Variants in CACNB2 observed in about 807,000 individuals in gnomAD.
CACNB2 encodes the protein calcium voltage-gated channel auxiliary subunit beta 2.
A neutral mutation model predicts 73.3 loss-of-function variants in CACNB2; 42 were observed. The ratio of observed to expected loss-of-function variants is 0.57; its 90% confidence interval spans 0.45 to 0.74. The LOEUF is 0.74. CACNB2 is among the 30% of genes least tolerant of loss of function. The pLI is 0.00. For synonymous variants in CACNB2, 348 were observed against 310.3 expected, an observed-to-expected ratio of 1.12 and a Z score of -1.28; for missense variants, 940 against 853.0, an observed-to-expected ratio of 1.10 and a Z score of -1.27.
intron 3 of CACNB2, among the ~76,000 whole-genome samples, chr10:18,445,360 T>G (rs2046680736): frequency 6.6e-6 from 1 of 152,322 alleles, no homozygotes; most frequent in South Asian, 2.1e-4. Flanking sequence ...GTACTTAGTA[T>G]TAAAAGAGGC....
At chr10:18,320,098 C>G (rs1157689547) in intron 2 of CACNB2, among the ~76,000 whole-genome samples, 1 of 131,364 alleles carries the variant, frequency 7.6e-6, no homozygotes, top group South Asian at 2.2e-4. Context: ...TTCATGCCGA[C>G]CCCGCCACCC....
Position 18,385,372 on chromosome 10 carries a change from C to G in CACNB2, c.214-16552C>G, listed in dbSNP as rs1000863727. On this transcript the variant is annotated intron_variant, in intron 2 of 13. Coordinates refer to ENST00000324631, the MANE Select transcript of CACNB2 (RefSeq NM_201596.3). ...CCATAGAGATTTGTAATACCCCCCC[C>G]CCTCGCCCCCCACAGGTTTTAAAAA... 1.3e-3 allele frequency among the ~76,000 whole-genome samples: 176 copies of G among 133,032 alleles called. 4 individuals carry two copies. Among genetic ancestry groups the G allele is most frequent in the Admixed American group, 2.7e-3 (34 of 12,716 alleles). The allele number at this position is 133,032 out of a possible 152,430, so 87.3% of individuals were successfully genotyped here.
At position 18,535,999 on chromosome 10, in the gene CACNB2, G is replaced by T. The variant is rs571689654; in HGVS notation, c.1207-102G>T. On this transcript the variant is annotated intron_variant, in intron 11 of 13. Transcript: ENST00000324631. Reference sequence around the variant, plus strand: ...TAGCTCCATCTATTATAAGCCCCTTGTGCTGTATATAAAAAGGCCCCAGAG... The same window carrying T: ...TAGCTCCATCTATTATAAGCCCCTTTTGCTGTATATAAAAAGGCCCCAGAG... 9.8e-4 allele frequency: 702 copies of T among 719,082 alleles called. 9 individuals are homozygous for T. The highest frequency in any genetic ancestry group is 7.0e-3 in the South Asian group (470 of 66,740). The allele number at this position is 719,082 out of a possible 1,614,324, so 44.5% of individuals were successfully genotyped here.
chr10:18,413,889 A>C (rs916552555), intron 3 of CACNB2, among the ~76,000 whole-genome samples: 3 of 152,376 alleles, frequency 2.0e-5, no homozygotes, highest in Non-Finnish European at 2.9e-5. Context: ...GGCACAGGCA[A>C]CTGGGGCACA....
rs369959759 is a variant in CACNB2 at position 18,143,111 on chromosome 10, G to A, written c.120+2255G>A. ...GGTAAGGTCAAGATTGGACACAGGC[G>A]TAAAACTGACAAAGCAATTTGAGAC... On this transcript the variant is annotated intron_variant, in intron 1 of 13. Coordinates refer to ENST00000324631, the MANE Select transcript of CACNB2 (RefSeq NM_201596.3). Among the ~76,000 whole-genome samples, 20 of 152,340 alleles carry A rather than the reference G, an allele frequency of 1.3e-4. No homozygotes were observed. The East Asian group carries it at 2.9e-3, about 22-fold the overall frequency.
At chr10:18,400,481 CAG>C in intron 2 of CACNB2, 1 of 597,038 alleles carries the variant, frequency 1.7e-6, no homozygotes, top group Non-Finnish European at 2.1e-6. Flanking sequence ...CATAGACTAA[CAG>C]TGTGATGTGA....
chr10:18,285,223 C>T (rs555211477), intron 2 of CACNB2, among the ~76,000 whole-genome samples: 14 of 152,280 alleles, frequency 9.2e-5, no homozygotes, highest in South Asian at 2.1e-4. Context: ...GGGCTGCCTC[C>T]GTGACTCACT....
At chr10:18,415,988 A>G (rs1237275988) in intron 3 of CACNB2, among the ~76,000 whole-genome samples, 2 of 152,062 alleles carry the variant, frequency 1.3e-5, no homozygotes, top group Non-Finnish European at 2.9e-5. Context: ...TTACAGGTAT[A>G]TAATGCATAA....
chr10:18,475,932 G>A (rs4424572), intron 3 of CACNB2, among the ~76,000 whole-genome samples: 27,600 of 152,090 alleles, frequency 0.18, 2,733 homozygotes, highest in African/African-American at 0.24. Flanking sequence ...CTTGTGCAAG[G>A]AAGAATTCAG....
intron 3 of CACNB2, among the ~76,000 whole-genome samples, chr10:18,470,493 T>G (rs1446477262): frequency 2.0e-5 from 3 of 150,944 alleles, no homozygotes; most frequent in African/African-American, 7.3e-5. Context: ...ACATATGATA[T>G]ACTGGATAGA....
intron 2 of CACNB2, among the ~76,000 whole-genome samples, chr10:18,258,321 G>A (rs2037370642): frequency 6.6e-6 from 1 of 152,148 alleles, no homozygotes; most frequent in Non-Finnish European, 1.5e-5. Context: ...TCATAGAGGG[G>A]ATAGATCATT....
At chr10:18,229,942 T>C (rs1436980451) in intron 2 of CACNB2, among the ~76,000 whole-genome samples, 5 of 152,200 alleles carry the variant, frequency 3.3e-5, no homozygotes, top group Non-Finnish European at 5.9e-5. Context: ...CGACACCCAC[T>C]TTCAAAACAG....
Position 18,161,066 on chromosome 10 carries a change from T to C in CACNB2, c.213+10091T>C, listed in dbSNP as rs376405721. ...GATCATGCTCCCATTCACCATGTAT[T>C]TATTGCAGTTGGAGGATAAAGAAGA... On this transcript the variant is annotated intron_variant, in intron 2 of 13. Coordinates refer to ENST00000324631, the MANE Select transcript of CACNB2 (RefSeq NM_201596.3). Among the ~76,000 whole-genome samples, 14 of 152,286 alleles carry C rather than the reference T, an allele frequency of 9.2e-5. No individual in the cohort carries two copies. The South Asian group carries it at 2.1e-3, about 23-fold the overall frequency.
intron 7 of CACNB2, among the ~76,000 whole-genome samples, chr10:18,514,691 C>A (rs544225832): frequency 1.8e-4 from 28 of 152,292 alleles, no homozygotes; most frequent in Admixed American, 3.9e-4. Context: ...CAGGGAGTGA[C>A]CTGTTAAAAC....
rs2054128737 is a variant in CACNB2, at chr10:18,542,922, T to C, written c.*3198T>C. The C allele has an allele frequency of 6.7e-6, 1 of 148,188 alleles. No homozygotes were observed. The highest frequency in any genetic ancestry group is 6.9e-5 in the Admixed American group (1 of 14,582). The allele number at this position is 148,188 out of a possible 1,614,324, so 9.2% of individuals were successfully genotyped here. A position where few individuals can be genotyped will look rare whatever the true frequency, so the allele number is the denominator to read the frequency against. ...TTTTGGTCATATCCATTTCAGTCTT[T>C]CCTATGCTCTTTCTCTACTGCTCAT... On this transcript the variant is annotated 3_prime_UTR_variant, in exon 14 of 14. Transcript: ENST00000324631.
At chr10:18,277,751 G>A (rs1010441791) in intron 2 of CACNB2, among the ~76,000 whole-genome samples, 2 of 152,170 alleles carry the variant, frequency 1.3e-5, no homozygotes, top group Non-Finnish European at 2.9e-5. Context: ...ATTCTTGGGG[G>A]ATGTAAAGAT....
chr10:18,244,429 T>G lies in CACNB2; in HGVS notation c.213+93454T>G, dbSNP rs979850858. Among the ~76,000 whole-genome samples, 9 of 152,328 alleles carry G rather than the reference T, an allele frequency of 5.9e-5. No individual in the cohort carries two copies. The East Asian group carries it at 1.7e-3, about 29-fold the overall frequency. On this transcript the variant is annotated intron_variant, in intron 2 of 13. Transcript: ENST00000324631. ...TATGGGGATCCCTAAAGGATATGGC[T>G]TTTCCTAACGTGCAAAACAGTCTCT...
chr10:18,460,581 C>T (rs534042534), intron 3 of CACNB2, among the ~76,000 whole-genome samples: 1 of 151,954 alleles, frequency 6.6e-6, no homozygotes, highest in East Asian at 1.9e-4. Flanking sequence ...TGAAACCCTC[C>T]CATTTAAAAA....
intron 2 of CACNB2, among the ~76,000 whole-genome samples, chr10:18,314,677 GCAAA>G: frequency 6.6e-6 from 1 of 151,858 alleles, no homozygotes; most frequent in African/African-American, 2.4e-5. Context: ...CTGCCATACA[GCAAA>G]ACATTTTTTC....
Sources: allele counts gnomAD v4.1 joint callset (sites outside exome capture counted in the v4.1 genomes callset), GRCh38; gene constraint gnomAD v4.1.1; transcripts MANE v1.5; gene names NCBI Gene and HGNC (gene_info 2026-07-23, HGNC 2026-07-21).